KHDRBS3: variants seen among roughly 807,000 people sequenced by gnomAD.
The protein encoded by KHDRBS3 is KH RNA binding domain containing, signal transduction associated 3.
KHDRBS3 carries 23 observed loss-of-function variants against 45.6 expected under a neutral mutation model. The observed-to-expected ratio is 0.50, with a 90% CI of 0.36 to 0.72. The LOEUF (loss-of-function observed/expected upper bound fraction) is 0.72, where lower values mean the gene tolerates loss of function less well. Ranked by LOEUF, KHDRBS3 falls within the 30% of genes least tolerant of loss-of-function variation. KHDRBS3 has a pLI of 0.00. For synonymous variants in KHDRBS3, 162 were observed against 156.5 expected (o/e 1.04, Z -0.26); for missense variants, 352 against 424.8 (o/e 0.83, Z 1.51).
At chr8:135,576,584 T>G (rs1019078865) in intron 5 of KHDRBS3, among the ~76,000 whole-genome samples, 28 of 147,856 alleles carry the variant, frequency 1.9e-4, no homozygotes, top group Admixed American at 4.7e-4. Context: ...AATTTGAGGG[T>G]TTTTTTTTTA....
chr8:135,489,902 C>A (rs571802949), intron 1 of KHDRBS3, among the ~76,000 whole-genome samples: 3 of 152,180 alleles, frequency 2.0e-5, no homozygotes, highest in Non-Finnish European at 4.4e-5. Context: ...GCAACTTCCG[C>A]TCCTACAAGC....
chr8:135,651,225 G>A (rs573876414), downstream of KHDRBS3, among the ~76,000 whole-genome samples: 4 of 152,080 alleles, frequency 2.6e-5, no homozygotes, highest in East Asian at 7.7e-4. Flanking sequence ...CCTTGAGTCA[G>A]TAAGTTAACC....
rs929707280 is a variant in KHDRBS3, at chr8:135,543,342, C to T, written c.324+572C>T. Among the ~76,000 whole-genome samples the T allele has an allele frequency of 2.6e-5, 4 of 152,136 alleles. No homozygotes were observed. In the South Asian group the frequency reaches 8.3e-4, roughly 32 times the overall value. On this transcript the variant is annotated intron_variant, in intron 3 of 8. Coordinates refer to ENST00000355849, the MANE Select transcript of KHDRBS3 (RefSeq NM_006558.3). The stretch of plus-strand genomic sequence containing the variant: ...TAAAAATAGTGTTATTTTTATTGAT[C>T]ATTTTCTTAAATATGCCAATTCTGA...
intron 1 of KHDRBS3, among the ~76,000 whole-genome samples, chr8:135,504,895 T>C (rs1823912399): frequency 6.6e-6 from 1 of 152,134 alleles, no homozygotes; most frequent in Non-Finnish European, 1.5e-5. Flanking sequence ...CATGATGATA[T>C]ATAGTAGGGG....
chr8:135,465,231 C>G (rs1685238487), intron 1 of KHDRBS3, among the ~76,000 whole-genome samples: 1 of 152,120 alleles, frequency 6.6e-6, no homozygotes, highest in Non-Finnish European at 1.5e-5. Context: ...CCTCAGTTTC[C>G]CCATCTGTGA....
rs1401456790 is a variant in KHDRBS3 at position 135,609,355 on chromosome 8, C to A, written c.890+2318C>A. ...TGTCACCCAGGCTGGAATGCAGTGG[C>A]GTGATCTCAGCTCACTGCAACCTCC... is the stretch of plus-strand genomic sequence containing the variant. On this transcript the variant is annotated intron_variant, in intron 7 of 8. Transcript: ENST00000355849. Among the ~76,000 whole-genome samples the A allele has an allele frequency of 2.6e-5, 4 of 151,126 alleles. No individual in the cohort carries two copies. In the East Asian group the frequency reaches 7.8e-4, roughly 30 times the overall value.
Position 135,564,223 on chromosome 8 carries a change from C to G in KHDRBS3, c.611+6636C>G, listed in dbSNP as rs184887323. Among the ~76,000 whole-genome samples the G allele has an allele frequency of 5.8e-3, 888 of 152,170 alleles. 7 individuals are homozygous for G. The highest frequency in any genetic ancestry group is 0.02 in the African/African-American group (839 of 41,506). The stretch of plus-strand genomic sequence containing the variant: ...TTTTCATGATGTCACATCTTTGTGA[C>G]GCTGGTATTTTACCAGATGCTGTGA... On this transcript the variant is annotated intron_variant, in intron 5 of 8. Coordinates refer to ENST00000355849, the MANE Select transcript of KHDRBS3 (RefSeq NM_006558.3).
At chr8:135,498,727 C>A (rs777070661) in intron 1 of KHDRBS3, among the ~76,000 whole-genome samples, 1 of 152,018 alleles carries the variant, frequency 6.6e-6, no homozygotes, top group South Asian at 2.1e-4. Flanking sequence ...AATATCATTA[C>A]GTATGCATAG....
intron 4 of KHDRBS3, among the ~76,000 whole-genome samples, chr8:135,550,884 G>T (rs1023994873): frequency 5.3e-5 from 8 of 152,028 alleles, no homozygotes; most frequent in African/African-American, 1.7e-4. Flanking sequence ...TTTTAAAAAA[G>T]ATATTTTAAA....
chr8:135,535,834 C>T (rs966198512), intron 2 of KHDRBS3, among the ~76,000 whole-genome samples: 17 of 152,056 alleles, frequency 1.1e-4, no homozygotes, highest in Admixed American at 3.3e-4. Context: ...TACTGTGTGG[C>T]GAGGGCATGG....
At chr8:135,534,101 T>A (rs541108901) in intron 2 of KHDRBS3, among the ~76,000 whole-genome samples, 91 of 152,244 alleles carry the variant, frequency 6.0e-4, no homozygotes, top group Non-Finnish European at 9.0e-4. Flanking sequence ...AAACATTTTT[T>A]AAAAAAATTC....
chr8:135,475,733 G>A (rs976870889), intron 1 of KHDRBS3, among the ~76,000 whole-genome samples: 3 of 152,078 alleles, frequency 2.0e-5, no homozygotes, highest in African/African-American at 4.8e-5. Flanking sequence ...CTTGCTAAGT[G>A]TCAGATACCA....
intron 5 of KHDRBS3, among the ~76,000 whole-genome samples, chr8:135,580,959 CTT>C (rs1828177959): frequency 6.6e-6 from 1 of 151,962 alleles, no homozygotes; most frequent in Admixed American, 6.6e-5. Context: ...TTTTTTTTCT[CTT>C]TAGCCTGTCT....
chr8:135,553,787 C>T (rs920503709), intron 4 of KHDRBS3, among the ~76,000 whole-genome samples: 2 of 152,140 alleles, frequency 1.3e-5, no homozygotes, highest in African/African-American at 4.8e-5. Flanking sequence ...GTCCTGCTTA[C>T]ACATATTTAC....
intron 2 of KHDRBS3, among the ~76,000 whole-genome samples, chr8:135,531,767 A>G (rs921519344): frequency 2.6e-5 from 4 of 152,164 alleles, no homozygotes; most frequent in Admixed American, 1.3e-4. Flanking sequence ...GAAAGGTAGA[A>G]TAACTGTTGG....
chr8:135,489,907 A>G (rs780859261), intron 1 of KHDRBS3, among the ~76,000 whole-genome samples: 3 of 152,190 alleles, frequency 2.0e-5, no homozygotes, highest in Non-Finnish European at 4.4e-5. Flanking sequence ...TTCCGCTCCT[A>G]CAAGCTCCAT....
intron 1 of KHDRBS3, among the ~76,000 whole-genome samples, chr8:135,477,312 C>G (rs896236665): frequency 2.6e-5 from 4 of 152,092 alleles, no homozygotes; most frequent in African/African-American, 9.7e-5. Context: ...ACTTCAAAAC[C>G]TGTGCTTTTT....
At chr8:135,633,685 G>A (rs1374863150) in intron 7 of KHDRBS3, among the ~76,000 whole-genome samples, 1 of 152,060 alleles carries the variant, frequency 6.6e-6, no homozygotes, top group Non-Finnish European at 1.5e-5. Flanking sequence ...TTGTCCCTGG[G>A]AGATAAATTT....
intron 3 of KHDRBS3, among the ~76,000 whole-genome samples, chr8:135,548,511 C>T (rs888018967): frequency 5.9e-5 from 9 of 152,204 alleles, no homozygotes; most frequent in East Asian, 1.9e-4. Context: ...TACAAGTCAG[C>T]GTCTGGAGTG....
Sources: gnomAD v4.1 joint callset for allele counts (sites outside exome capture counted in the v4.1 genomes callset) on GRCh38, gnomAD v4.1.1 for gene constraint, MANE v1.5 for transcripts, NCBI Gene and HGNC (gene_info 2026-07-23, HGNC 2026-07-21) for gene names.